Variants in NBAS observed in about 807,000 individuals in gnomAD.
The protein encoded by NBAS is NBAS subunit of NRZ tethering complex, also known as NAG/BC035112 fusion.
In NBAS, 219 loss-of-function variants were observed where a neutral mutation model predicts 302.5. That is an observed-to-expected ratio of 0.72 (90% CI 0.65 to 0.81). NBAS has a LOEUF of 0.81. NBAS is among the 30% of genes least tolerant of loss of function. NBAS has a pLI of 0.00. For synonymous variants in NBAS, 1,118 were observed against 1,021.6 expected (o/e 1.09, Z -1.80); for missense variants, 2,932 against 2,841.6 (o/e 1.03, Z -0.72).
At chr2:14,817,242 T>C in the NBAS span, among the ~76,000 whole-genome samples, 1 of 152,234 alleles carries the variant, frequency 6.6e-6, no homozygotes, top group Non-Finnish European at 1.5e-5. Flanking sequence ...GCACATCACC[T>C]ACCTGGAGTA....
At chr2:15,426,365 C>T (rs1343297792) in intron 22 of NBAS, among the ~76,000 whole-genome samples, 1 of 152,140 alleles carries the variant, frequency 6.6e-6, no homozygotes, top group African/African-American at 2.4e-5. Flanking sequence ...TCTGAGGATG[C>T]ATAATCTTCC....
At chr2:15,325,187 C>T (rs1440717121) in intron 38 of NBAS, among the ~76,000 whole-genome samples, 1 of 152,146 alleles carries the variant, frequency 6.6e-6, no homozygotes, top group African/African-American at 2.4e-5. Flanking sequence ...TACAAGCATA[C>T]CTCATAGATA....
At chr2:15,007,878 G>A in the NBAS span, among the ~76,000 whole-genome samples, 858 of 152,322 alleles carry the variant, frequency 5.6e-3, 10 homozygotes, top group African/African-American at 0.019. Context: ...AGTTACTTAA[G>A]CTTCCCAAAG....
In NBAS at chr2:15,186,848, G is replaced by T; in HGVS notation, c.6605C>A (p.Thr2202Lys). Residue 2202 changes from threonine (T) to lysine (K), a missense_variant, in exon 50 of 52, where the codon ACA (threonine) becomes AAA (lysine). Transcript: ENST00000281513. Reference protein sequence around the residue: ...ITNNPWVRLATVMLTRCTMEN... With the variant: ...ITNNPWVRLAKVMLTRCTMEN... ...CATCGTACATCTGGTTAGCATCACT[G>T]TAGCTAGTCTCACCCATGGATTATT... 6.2e-7 allele frequency: 1 copy of T among 1,613,920 alleles called. No individual in the cohort carries two copies. The highest frequency in any genetic ancestry group is 8.5e-7 in the Non-Finnish European group (1 of 1,179,958).
intron 40 of NBAS, among the ~76,000 whole-genome samples, chr2:15,306,593 C>A (rs1237614519): frequency 6.6e-6 from 1 of 152,128 alleles, no homozygotes; most frequent in African/African-American, 2.4e-5. Flanking sequence ...TTGACAGACA[C>A]ATGAAATTAT....
chr2:14,859,813 A>T, the NBAS span, among the ~76,000 whole-genome samples: 126 of 152,282 alleles, frequency 8.3e-4, 1 homozygote, highest in Non-Finnish European at 1.5e-3. Context: ...AAGGCAATCA[A>T]AGCAAAAACA....
chr2:14,874,376 C>A, the NBAS span, among the ~76,000 whole-genome samples: 1 of 151,346 alleles, frequency 6.6e-6, no homozygotes, highest in Non-Finnish European at 1.5e-5. Flanking sequence ...CCTGTAATCC[C>A]AGCACTTTGG....
chr2:14,811,536 C>T, the NBAS span, among the ~76,000 whole-genome samples: 61,958 of 152,058 alleles, frequency 0.41, 13,293 homozygotes, highest in African/African-American at 0.54. Context: ...TTATCATGAC[C>T]GGAAGGACAT....
the NBAS span, among the ~76,000 whole-genome samples, chr2:14,798,933 T>C: frequency 6.6e-6 from 1 of 152,094 alleles, no homozygotes; most frequent in South Asian, 2.1e-4. Flanking sequence ...TTCCTGATAT[T>C]AGTAATTTGT....
At chr2:15,286,987 G>T (rs2148089809) in intron 42 of NBAS, 86 bp downstream of exon 42, 1 of 1,119,194 alleles carries the variant, frequency 8.9e-7, no homozygotes, top group Non-Finnish European at 1.4e-6. Context: ...AACTAAAATT[G>T]TACTTTACAA....
chr2:15,239,183 A>AAT (rs1667743009), intron 44 of NBAS, among the ~76,000 whole-genome samples: 1 of 152,102 alleles, frequency 6.6e-6, no homozygotes, highest in South Asian at 2.1e-4. Flanking sequence ...GAATTATAAA[A>AAT]ACAGTATCCA....
intron 31 of NBAS, among the ~76,000 whole-genome samples, chr2:15,368,324 C>T (rs376464409): frequency 2.0e-5 from 3 of 151,470 alleles, no homozygotes; most frequent in Non-Finnish European, 2.9e-5. Context: ...CTCAGCCTCC[C>T]GAGTAGCTGG....
chr2:14,984,174 C>A, the NBAS span, among the ~76,000 whole-genome samples: 1 of 152,154 alleles, frequency 6.6e-6, no homozygotes, highest in East Asian at 1.9e-4. Context: ...CCAAGCCCCA[C>A]GATGTACCTG....
At chr2:15,185,306 A>C (rs1298166431) in intron 50 of NBAS, among the ~76,000 whole-genome samples, 2 of 152,190 alleles carry the variant, frequency 1.3e-5, no homozygotes, top group Non-Finnish European at 2.9e-5. Context: ...GTTGGTTATC[A>C]CCATTACCAC....
intron 31 of NBAS, among the ~76,000 whole-genome samples, chr2:15,371,639 C>T (rs1378989641): frequency 6.6e-6 from 1 of 152,198 alleles, no homozygotes; most frequent in Non-Finnish European, 1.5e-5. Flanking sequence ...TCACACATGA[C>T]ACTCTGGGGT....
chr2:15,034,026 A>AGAAGAAGAAGAAGAAGAAGAAGAG, the NBAS span, among the ~76,000 whole-genome samples: 4 of 50,084 alleles, frequency 8.0e-5, no homozygotes, highest in Non-Finnish European at 1.4e-4. Context: ...AAGAAGAAGA[A>AGAAGAAGAAGAAGAAGAAGAAGAG]GAGGAGGAGG....
At chr2:14,938,262 C>T in the NBAS span, among the ~76,000 whole-genome samples, 4 of 152,102 alleles carry the variant, frequency 2.6e-5, no homozygotes, top group Admixed American at 1.3e-4. Flanking sequence ...AAATTTACAA[C>T]TCTGAATAAA....
chr2:15,372,378 T>C (rs1346475839), intron 31 of NBAS, among the ~76,000 whole-genome samples: 1 of 152,230 alleles, frequency 6.6e-6, no homozygotes, highest in African/African-American at 2.4e-5. Flanking sequence ...TTAGAACTGC[T>C]AGCCTTTACT....
intron 44 of NBAS, among the ~76,000 whole-genome samples, chr2:15,253,548 G>T (rs1461424921): frequency 6.6e-6 from 1 of 151,968 alleles, no homozygotes; most frequent in Non-Finnish European, 1.5e-5. Flanking sequence ...CTTCCAACAG[G>T]GACGCAGGCA....
Sources: gnomAD v4.1 joint callset for allele counts (sites outside exome capture counted in the v4.1 genomes callset) on GRCh38, gnomAD v4.1.1 for gene constraint, MANE v1.5 for transcripts, NCBI Gene and HGNC (gene_info 2026-07-23, HGNC 2026-07-21) for gene names.